DIAPH2: variants seen among roughly 807,000 people sequenced by gnomAD.
The protein encoded by DIAPH2 is protein diaphanous homolog 2.
DIAPH2 carries 35 observed loss-of-function variants against 92.7 expected under a neutral mutation model. That is an observed-to-expected ratio of 0.38 (90% CI 0.29 to 0.50). DIAPH2 has a LOEUF of 0.50. Among genes scored for constraint, DIAPH2 ranks in the 20% least tolerant of loss-of-function variants. The pLI is 0.94. For missense variants in DIAPH2, 701 were observed against 819.5 expected (o/e 0.86, Z 1.77); for synonymous variants, 301 against 280.4 (o/e 1.07, Z -0.73).
At chrX:97,580,070 T>C (rs968512382) in intron 26 of DIAPH2, among the ~76,000 whole-genome samples, 1 of 111,751 alleles carries the variant, frequency 8.9e-6, no homozygotes, top group Admixed American at 9.5e-5. Flanking sequence ...GATTTTGAGC[T>C]GAGACAGTGG....
intron 22 of DIAPH2, among the ~76,000 whole-genome samples, chrX:97,157,043 G>C (rs1427225810): frequency 9.0e-6 from 1 of 111,260 alleles, no homozygotes; most frequent in Non-Finnish European, 1.9e-5. Flanking sequence ...GGCCGGGCGC[G>C]GTGGCTCACG....
intron 21 of DIAPH2, among the ~76,000 whole-genome samples, chrX:97,119,283 A>G (rs1390938607): frequency 1.8e-5 from 2 of 110,887 alleles, no homozygotes; most frequent in Non-Finnish European, 3.8e-5. Flanking sequence ...TTTCCTATGG[A>G]TGTGGCTTCC....
chrX:97,504,045 T>C (rs1160932715), intron 26 of DIAPH2, among the ~76,000 whole-genome samples: 1 of 111,927 alleles, frequency 8.9e-6, no homozygotes, highest in East Asian at 2.8e-4. Context: ...CCCAAGACAG[T>C]GTAATGCCCC....
intron 22 of DIAPH2, among the ~76,000 whole-genome samples, chrX:97,213,120 A>G (rs1350813134): frequency 2.7e-5 from 3 of 112,020 alleles, no homozygotes; most frequent in African/African-American, 9.7e-5. Context: ...TGTAGAAATT[A>G]CATCATTATA....
rs2071380902 is a variant in DIAPH2 at position 97,573,233 on chromosome X, T to C, written c.3242-26020T>C. Among the ~76,000 whole-genome samples the C allele has an allele frequency of 2.7e-5, 3 of 111,654 alleles. No individual in the cohort carries two copies. The South Asian group carries it at 1.1e-3, about 43-fold the overall frequency. On this transcript the variant is annotated intron_variant, in intron 26 of 26. Transcript: ENST00000324765. The stretch of plus-strand genomic sequence containing the variant: ...TTCTACACCTGTATGCCCAGTCCCA[T>C]TGAGCAAATTCACATTAAAGGTTTA...
chrX:97,235,601 CAAA>C (rs10563336), intron 22 of DIAPH2, among the ~76,000 whole-genome samples: 1,343 of 53,334 alleles, frequency 0.025, 30 homozygotes, highest in African/African-American at 0.088. Flanking sequence ...GAGACTACGT[CAAA>C]AAAAAAAAAA....
At chrX:97,590,498 A>T (rs2071510121) in intron 26 of DIAPH2, among the ~76,000 whole-genome samples, 1 of 112,602 alleles carries the variant, frequency 8.9e-6, no homozygotes, top group Admixed American at 9.4e-5. Context: ...TCAGAAAATG[A>T]CAGAGGATTG....
intron 23 of DIAPH2, among the ~76,000 whole-genome samples, chrX:97,265,037 C>G (rs1267528876): frequency 9.0e-6 from 1 of 111,645 alleles, no homozygotes; most frequent in Non-Finnish European, 1.9e-5. Context: ...GTATGTTAAC[C>G]CTTTTATTGC....
intron 26 of DIAPH2, among the ~76,000 whole-genome samples, chrX:97,518,683 G>A (rs754810974): frequency 6.3e-5 from 7 of 110,601 alleles, no homozygotes; most frequent in Non-Finnish European, 1.1e-4. Context: ...GTATTAGAGC[G>A]CAAGTGAGTA....
intron 26 of DIAPH2, among the ~76,000 whole-genome samples, chrX:97,434,539 G>T (rs748286055): frequency 1.6e-4 from 17 of 107,547 alleles, no homozygotes; most frequent in Non-Finnish European, 3.1e-4. Context: ...CTCCTGAGTA[G>T]CTGGGATTAC....
intron 22 of DIAPH2, among the ~76,000 whole-genome samples, chrX:97,148,930 A>C (rs2067265583): frequency 9.0e-6 from 1 of 111,533 alleles, no homozygotes; most frequent in African/African-American, 3.3e-5. Flanking sequence ...TTAATAATGG[A>C]GAGGACCTAA....
intron 22 of DIAPH2, among the ~76,000 whole-genome samples, chrX:97,169,482 T>C (rs757945693): frequency 9.0e-6 from 1 of 111,627 alleles, no homozygotes; most frequent in Non-Finnish European, 1.9e-5. Context: ...GGAGGTTGTT[T>C]CAGTAATTGA....
chrX:97,057,490 C>T (rs2066565161), intron 17 of DIAPH2, among the ~76,000 whole-genome samples: 1 of 111,643 alleles, frequency 9.0e-6, no homozygotes, highest in Non-Finnish European at 1.9e-5. Flanking sequence ...TGGCAGGCCA[C>T]CTAACTGGTC....
intron 22 of DIAPH2, among the ~76,000 whole-genome samples, chrX:97,171,208 T>C (rs2067451062): frequency 8.9e-6 from 1 of 112,318 alleles, no homozygotes; most frequent in Non-Finnish European, 1.9e-5. Context: ...GAATGTACCA[T>C]GTTTGTCTTT....
chrX:97,039,891 A>T (rs1343308785), intron 17 of DIAPH2, among the ~76,000 whole-genome samples: 1 of 111,756 alleles, frequency 8.9e-6, no homozygotes, highest in Non-Finnish European at 1.9e-5. Flanking sequence ...CACCATGTAG[A>T]TGAGTCAAAT....
intron 4 of DIAPH2, among the ~76,000 whole-genome samples, chrX:96,778,031 C>G (rs1349710907): frequency 1.3e-5 from 1 of 78,668 alleles, no homozygotes; most frequent in Non-Finnish European, 2.4e-5. Context: ...ATCCCTCCCC[C>G]CTCCCCCCAC....
chrX:97,329,931 CACA>C (rs2068984281), intron 23 of DIAPH2, among the ~76,000 whole-genome samples: 2 of 86,607 alleles, frequency 2.3e-5, no homozygotes, highest in Non-Finnish European at 5.0e-5. Flanking sequence ...CACACACACA[CACA>C]CACCCCACAT....
chrX:97,439,569 C>CAAA (rs200327735), intron 26 of DIAPH2, among the ~76,000 whole-genome samples: 1 of 86,191 alleles, frequency 1.2e-5, no homozygotes, highest in Non-Finnish European at 2.3e-5. Flanking sequence ...GACTCCGTCT[C>CAAA]AAAAAAAAAA....
intron 5 of DIAPH2, among the ~76,000 whole-genome samples, chrX:96,905,343 T>C (rs1360404650): frequency 8.9e-6 from 1 of 111,846 alleles, no homozygotes; most frequent in Non-Finnish European, 1.9e-5. Context: ...ACTAAATAAT[T>C]CAGAGTCTGA....
Sources: allele counts gnomAD v4.1 joint callset (sites outside exome capture counted in the v4.1 genomes callset), GRCh38; gene constraint gnomAD v4.1.1; transcripts MANE v1.5; gene names NCBI Gene and HGNC (gene_info 2026-07-23, HGNC 2026-07-21).